Variants in GPC5 observed in about 807,000 individuals in gnomAD.
The protein encoded by GPC5 is glypican-5.
Under a neutral mutation model 53.9 loss-of-function variants are expected in GPC5, and 47 were observed. The ratio of observed to expected loss-of-function variants is 0.87; its 90% CI spans 0.69 to 1.11. The LOEUF (loss-of-function observed/expected upper bound fraction) is 1.11, where lower values mean the gene tolerates loss of function less well. Among genes scored for constraint, GPC5 ranks in the 50% most tolerant of loss-of-function variants. The pLI is 0.00. For missense variants in GPC5, 748 were observed against 713.1 expected (o/e 1.05, Z -0.56); for synonymous variants, 286 against 263.3 (o/e 1.09, Z -0.84).
At chr13:91,834,235 G>A (rs1439762591) in intron 5 of GPC5, among the ~76,000 whole-genome samples, 3 of 152,066 alleles carry the variant, frequency 2.0e-5, no homozygotes, top group African/African-American at 7.2e-5. Flanking sequence ...ACTGCTCAAG[G>A]CAATAAGAGA....
At chr13:92,202,300 G>A (rs896990805) in intron 7 of GPC5, among the ~76,000 whole-genome samples, 1 of 152,138 alleles carries the variant, frequency 6.6e-6, no homozygotes, top group Non-Finnish European at 1.5e-5. Flanking sequence ...TTAGCATGCA[G>A]AACAGGCTAT....
At chr13:91,927,372 C>G (rs1337947333) in intron 6 of GPC5, among the ~76,000 whole-genome samples, 1 of 152,068 alleles carries the variant, frequency 6.6e-6, no homozygotes, top group South Asian at 2.1e-4. Context: ...GATAAGATTT[C>G]TCTTTAAATA....
At chr13:91,549,365 C>A (rs181120289) in intron 2 of GPC5, among the ~76,000 whole-genome samples, 147 of 151,354 alleles carry the variant, frequency 9.7e-4, no homozygotes, top group African/African-American at 3.4e-3. Flanking sequence ...GATGGTACAC[C>A]AAAGGCACAA....
In GPC5 at chr13:91,667,809, T is replaced by C. The variant is rs2035152665; in HGVS notation, c.326-25378T>C. On this transcript the variant is annotated intron_variant, in intron 2 of 7. Coordinates refer to ENST00000377067, the MANE Select transcript of GPC5 (RefSeq NM_004466.6). ...GAGTTGAGTTGGTCCTGGTGTGGTC[T>C]AAATCTGTCCCACAGAAGAATTCAT... Among the ~76,000 whole-genome samples the C allele has an allele frequency of 2.0e-5, 3 of 152,156 alleles. 1 individual carries two copies. The South Asian group carries it at 6.2e-4, about 31-fold the overall frequency.
intron 7 of GPC5, among the ~76,000 whole-genome samples, chr13:92,353,123 G>A (rs1594125676): frequency 1.3e-5 from 2 of 151,444 alleles, no homozygotes; most frequent in Non-Finnish European, 1.5e-5. Context: ...AGCCAGGCGC[G>A]GTGGCGGGCG....
At position 92,212,039 on chromosome 13, in the gene GPC5, G is replaced by A. The variant is rs114611663; in HGVS notation, c.1561+67050G>A. ...TTTGGGAAGTGATTGGGTCACAAGG[G>A]TGGAGCCCTGTTCCGCAGGTGGTAA... On this transcript the variant is annotated intron_variant, in intron 7 of 7. Transcript: ENST00000377067. Among the ~76,000 whole-genome samples, 1,290 of 151,534 alleles carry A rather than the reference G, an allele frequency of 8.5e-3. 24 individuals are homozygous for A. Among genetic ancestry groups the A allele is most frequent in the African/African-American group, 0.029 (1,205 of 41,218 alleles).
chr13:92,461,110 A>G (rs1878461967), intron 7 of GPC5, among the ~76,000 whole-genome samples: 1 of 152,220 alleles, frequency 6.6e-6, no homozygotes, highest in African/African-American at 2.4e-5. Flanking sequence ...AATAAAAAAT[A>G]AATCCTGTAA....
In GPC5 at chr13:92,866,338, G is replaced by A. The variant is rs778742068; in HGVS notation, c.1618G>A (p.Gly540Ser). The A allele has an allele frequency of 6.8e-6, 11 of 1,612,856 alleles. No individual in the cohort carries two copies. Among genetic ancestry groups the A allele is most frequent in the Non-Finnish European group, 8.5e-6 (10 of 1,179,262 alleles). Residue 540 changes from glycine to serine, a missense_variant, in exon 8 of 8, where the codon GGC becomes AGC. Gly to Ser is a moderately conservative substitution (Grantham distance 56, BLOSUM62 0). Transcript: ENST00000377067. ...DVKQIHQTDT[G>S]STLDTTGAGC... ...AAAGCAAATCCATCAAACAGACACT[G>A]GCAGTACTTTAGACACAACAGGAGC...
At chr13:92,210,259 T>A (rs1233771163) in intron 7 of GPC5, among the ~76,000 whole-genome samples, 1 of 152,178 alleles carries the variant, frequency 6.6e-6, no homozygotes, top group East Asian at 1.9e-4. Flanking sequence ...AATTGATTTT[T>A]CTAGTACCGT....
chr13:92,296,912 C>T (rs2139191727), intron 7 of GPC5, among the ~76,000 whole-genome samples: 1 of 152,328 alleles, frequency 6.6e-6, no homozygotes, highest in South Asian at 2.1e-4. Flanking sequence ...CAGGGCAGGG[C>T]TCGGGACCTG....
chr13:92,671,016 A>G (rs17188557), intron 7 of GPC5, among the ~76,000 whole-genome samples: 33,609 of 152,072 alleles, frequency 0.22, 4,380 homozygotes, highest in South Asian at 0.36. Flanking sequence ...CGTAAGCATA[A>G]TAGTACAGGG....
intron 2 of GPC5, among the ~76,000 whole-genome samples, chr13:91,607,791 C>T (rs1400535086): frequency 2.0e-5 from 3 of 152,140 alleles, no homozygotes; most frequent in Non-Finnish European, 2.9e-5. Context: ...TGTTCCCTAA[C>T]ATTTGTATAC....
chr13:91,869,601 C>T (rs970618567), intron 5 of GPC5, among the ~76,000 whole-genome samples: 1 of 152,040 alleles, frequency 6.6e-6, no homozygotes, highest in African/African-American at 2.4e-5. Flanking sequence ...ACTTCTATGG[C>T]CTCTTTATCT....
chr13:92,586,630 A>C (rs1261813870), intron 7 of GPC5, among the ~76,000 whole-genome samples: 3 of 152,194 alleles, frequency 2.0e-5, no homozygotes, highest in African/African-American at 7.2e-5. Flanking sequence ...TTACTTAGTT[A>C]AGCTTCACAT....
At chr13:92,014,585 T>C (rs1046760092) in intron 6 of GPC5, among the ~76,000 whole-genome samples, 1 of 152,166 alleles carries the variant, frequency 6.6e-6, no homozygotes, top group Non-Finnish European at 1.5e-5. Context: ...TTTTTTGGTG[T>C]TTAATATGTT....
intron 7 of GPC5, among the ~76,000 whole-genome samples, chr13:92,753,949 C>T (rs980989112): frequency 1.3e-5 from 2 of 151,442 alleles, no homozygotes; most frequent in African/African-American, 4.9e-5. Context: ...AGCAAGCAGG[C>T]CAACGTTCAG....
intron 5 of GPC5, among the ~76,000 whole-genome samples, chr13:91,765,485 A>G (rs975029439): frequency 6.6e-6 from 1 of 152,204 alleles, no homozygotes; most frequent in African/African-American, 2.4e-5. Flanking sequence ...CTATTTTAGC[A>G]CCCTTTTCCA....
chr13:91,457,528 A>T (rs1034536738), intron 2 of GPC5, among the ~76,000 whole-genome samples: 60 of 152,132 alleles, frequency 3.9e-4, no homozygotes, highest in African/African-American at 1.4e-3. Flanking sequence ...AGAACACTCA[A>T]TTTTTGGGGT....
intron 7 of GPC5, among the ~76,000 whole-genome samples, chr13:92,632,058 T>C (rs1396460296): frequency 6.6e-6 from 1 of 152,182 alleles, no homozygotes; most frequent in Non-Finnish European, 1.5e-5. Context: ...TAGACTAAAC[T>C]GGCCTAACAG....
Sources: allele counts gnomAD v4.1 joint callset (sites outside exome capture counted in the v4.1 genomes callset), GRCh38; gene constraint gnomAD v4.1.1; transcripts MANE v1.5; gene names NCBI Gene and HGNC (gene_info 2026-07-23, HGNC 2026-07-21).